NAA16: variants seen among roughly 807,000 people sequenced by gnomAD.
NAA16 encodes the protein NARG1-like protein.
In NAA16, 97 loss-of-function variants were observed where a neutral mutation model predicts 110.3. The ratio of observed to expected loss-of-function variants is 0.88; its 90% CI spans 0.75 to 1.04. The LOEUF is 1.04. Ranked by LOEUF, NAA16 falls within the 50% of genes least tolerant of loss-of-function variation. The pLI is 0.00. For missense variants in NAA16, 1,017 were observed against 1,005.1 expected (o/e 1.01, Z -0.16); for synonymous variants, 372 against 330.6 (o/e 1.13, Z -1.36).
chr13:41,350,968 AT>A (rs2139470623), intron 9 of NAA16, among the ~76,000 whole-genome samples: 1 of 152,192 alleles, frequency 6.6e-6, no homozygotes, highest in East Asian at 1.9e-4. Flanking sequence ...GTGTACATTG[AT>A]TTGGGACTTC....
rs1200295944 is a variant in NAA16 at position 41,323,189 on chromosome 13, A to G, written c.536A>G (p.Gln179Arg). The change falls in exon 5 of 20, where the codon CAA (glutamine) becomes CGA (arginine). Residue 179 changes from glutamine to arginine, a missense_variant and splice_region_variant. Transcript: ENST00000379406. ...KLLEEFRQTQQVPPNKIDYEY... is the reference protein window; with the variant it reads ...KLLEEFRQTQRVPPNKIDYEY... ...TTGGAAGAATTTAGACAAACTCAGCAAGTAAGAATTTTAATGTTTCCTTCT... is the reference window on the plus strand; with the variant it reads ...TTGGAAGAATTTAGACAAACTCAGCGAGTAAGAATTTTAATGTTTCCTTCT... The G allele has an allele frequency of 6.2e-7, 1 of 1,613,392 alleles. No individual in the cohort carries two copies. The highest frequency in any genetic ancestry group is 1.7e-5 in the Admixed American group (1 of 59,782).
intron 9 of NAA16, among the ~76,000 whole-genome samples, chr13:41,352,654 C>T (rs2042868057): frequency 6.6e-6 from 1 of 151,496 alleles, no homozygotes; most frequent in Non-Finnish European, 1.5e-5. Context: ...GACTTGGTCT[C>T]AAAAAAACAA....
At chr13:41,362,954 T>C (rs1437918783) in intron 13 of NAA16, 2 of 1,078,872 alleles carry the variant, frequency 1.9e-6, no homozygotes, top group East Asian at 7.0e-5. Flanking sequence ...CAAGGAAGGC[T>C]AAATTTTAGG....
chr13:41,339,300 C>T lies in NAA16; in HGVS notation c.1014+2544C>T, dbSNP rs570537392. 1.3e-4 allele frequency among the ~76,000 whole-genome samples: 20 copies of T among 152,008 alleles called. 1 individual carries two copies. The East Asian group carries it at 2.3e-3, about 18-fold the overall frequency. On this transcript the variant is annotated intron_variant, in intron 9 of 19. Coordinates refer to ENST00000379406, the MANE Select transcript of NAA16 (RefSeq NM_024561.5). ...GATTACAGGCATGTGCCACCACGCCCGGCTAATTTTGTATTTTTAGTAAAG... is the reference window on the plus strand; with the variant it reads ...GATTACAGGCATGTGCCACCACGCCTGGCTAATTTTGTATTTTTAGTAAAG...
intron 2 of NAA16, among the ~76,000 whole-genome samples, chr13:41,317,166 T>A (rs1452985757): frequency 6.6e-6 from 1 of 152,100 alleles, no homozygotes; most frequent in Non-Finnish European, 1.5e-5. Context: ...GGGAAAAAAT[T>A]GGAGAAAGTA....
intron 10 of NAA16, among the ~76,000 whole-genome samples, chr13:41,357,759 A>G (rs2043023555): frequency 6.6e-6 from 1 of 152,156 alleles, no homozygotes; most frequent in Non-Finnish European, 1.5e-5. Flanking sequence ...TTTTAAGAGG[A>G]CTGGGCTGTG....
intron 9 of NAA16, 79 bp downstream of exon 9, chr13:41,336,835 T>C: frequency 1.3e-6 from 1 of 754,748 alleles, no homozygotes; most frequent in Non-Finnish European, 2.1e-6. Flanking sequence ...AATAATGTGC[T>C]ATTACTTAAT....
intron 19 of NAA16, 62 bp downstream of exon 19, chr13:41,374,901 C>T (rs2043398700): frequency 4.0e-6 from 4 of 988,432 alleles, no homozygotes; most frequent in Admixed American, 4.4e-5. Context: ...CGTGTCTTTA[C>T]AGCATAATTC....
At chr13:41,365,805 C>A (rs2043196759) in intron 13 of NAA16, among the ~76,000 whole-genome samples, 1 of 152,112 alleles carries the variant, frequency 6.6e-6, no homozygotes, top group African/African-American at 2.4e-5. Context: ...ACATATGGCC[C>A]CCTCCAAGAC....
chr13:41,362,815 G>A, intron 13 of NAA16: 3 of 1,289,464 alleles, frequency 2.3e-6, no homozygotes, highest in Non-Finnish European at 3.0e-6. Context: ...AGTTGTGGGG[G>A]CAATCGGCAC....
chr13:41,367,920 G>GGGT (rs1254081579), intron 14 of NAA16, among the ~76,000 whole-genome samples: 2 of 152,098 alleles, frequency 1.3e-5, no homozygotes, highest in African/African-American at 2.4e-5. Flanking sequence ...TTTAAGAACT[G>GGGT]GGTATGGTGG....
At chr13:41,364,887 A>G (rs2043180340) in intron 13 of NAA16, among the ~76,000 whole-genome samples, 1 of 152,132 alleles carries the variant, frequency 6.6e-6, no homozygotes, top group African/African-American at 2.4e-5. Context: ...TTCTCTGTAT[A>G]AGCTCTTACT....
chr13:41,353,402 AT>A (rs915687946), intron 9 of NAA16, among the ~76,000 whole-genome samples: 119 of 148,168 alleles, frequency 8.0e-4, no homozygotes, highest in African/African-American at 2.0e-3. Context: ...AGTCTTTGCA[AT>A]TTTTTTTTTT....
At chr13:41,329,752 A>G (rs966460160) in intron 7 of NAA16, among the ~76,000 whole-genome samples, 3 of 151,982 alleles carry the variant, frequency 2.0e-5, no homozygotes, top group Admixed American at 6.6e-5. Flanking sequence ...AGCAAAGCTC[A>G]TATGTGTGAA....
Position 41,358,529 on chromosome 13 carries a change from C to G in NAA16, c.1257+56C>G, listed in dbSNP as rs577619679. 2.9e-5 allele frequency: 46 copies of G among 1,593,330 alleles called. 1 individual carries two copies. Among genetic ancestry groups the G allele is most frequent in the Non-Finnish European group, 3.4e-5 (40 of 1,169,484 alleles). On this transcript the variant is annotated intron_variant, in intron 11 of 19. Coordinates refer to ENST00000379406, the MANE Select transcript of NAA16 (RefSeq NM_024561.5). The stretch of plus-strand genomic sequence containing the variant: ...TGAAGAATTCAGCTACTTTAAGAAT[C>G]CTTGGAGTTTTTTCTTTGTGGAAAC...
At chr13:41,350,387 G>A (rs2042797948) in intron 9 of NAA16, among the ~76,000 whole-genome samples, 1 of 150,246 alleles carries the variant, frequency 6.7e-6, no homozygotes, top group African/African-American at 2.5e-5. Context: ...TCCACCTCCC[G>A]GGTTCACGCC....
intron 9 of NAA16, among the ~76,000 whole-genome samples, chr13:41,342,150 T>C (rs2042568115): frequency 6.7e-6 from 1 of 150,224 alleles, no homozygotes; most frequent in South Asian, 2.1e-4. Context: ...TCTCTTTTTT[T>C]TTTTTGAGAC....
chr13:41,351,175 C>T (rs117954593), intron 9 of NAA16, among the ~76,000 whole-genome samples: 7,363 of 152,180 alleles, frequency 0.048, 238 homozygotes, highest in South Asian at 0.1. Context: ...GAAAATAATA[C>T]GTAAAGCATT....
chr13:41,341,591 C>T (rs1229613249), intron 9 of NAA16, among the ~76,000 whole-genome samples: 1 of 151,728 alleles, frequency 6.6e-6, no homozygotes, highest in Non-Finnish European at 1.5e-5. Flanking sequence ...GTGGCATGTA[C>T]CTGCACTCCC....
Sources: gnomAD v4.1 joint callset for allele counts (sites outside exome capture counted in the v4.1 genomes callset) on GRCh38, gnomAD v4.1.1 for gene constraint, MANE v1.5 for transcripts, NCBI Gene and HGNC (gene_info 2026-07-23, HGNC 2026-07-21) for gene names.